Variants in DPF3 observed in about 807,000 individuals in gnomAD.
DPF3 encodes zinc finger protein DPF3.
DPF3 carries 18 observed loss-of-function variants against 56.8 expected under a neutral mutation model. The ratio of observed to expected loss-of-function variants is 0.32; its 90% CI spans 0.22 to 0.47. DPF3 has a LOEUF of 0.47. Ranked by LOEUF, DPF3 falls within the 20% of genes least tolerant of loss-of-function variation. The pLI is 1.00. For missense variants in DPF3, 403 were observed against 488.8 expected (o/e 0.82, Z 1.65); for synonymous variants, 188 against 180.2 (o/e 1.04, Z -0.35).
chr14:72,883,034 T>A (rs1196146745), intron 1 of DPF3, among the ~76,000 whole-genome samples: 1 of 152,178 alleles, frequency 6.6e-6, no homozygotes, highest in Non-Finnish European at 1.5e-5. Flanking sequence ...GGTTGTGGGA[T>A]GAAGGAACTC....
chr14:72,786,311 T>C (rs111724826), intron 1 of DPF3, among the ~76,000 whole-genome samples: 9,390 of 151,610 alleles, frequency 0.062, 888 homozygotes, highest in African/African-American at 0.2. Flanking sequence ...TGAGGTGACG[T>C]CCTCGGGACA....
intron 1 of DPF3, among the ~76,000 whole-genome samples, chr14:72,803,501 A>G (rs1229625063): frequency 6.6e-6 from 1 of 152,252 alleles, no homozygotes. Context: ...GCAATGGGCC[A>G]TGAAAACCTA....
intron 8 of DPF3, among the ~76,000 whole-genome samples, chr14:72,652,754 C>A (rs1312786739): frequency 6.6e-6 from 1 of 152,108 alleles, no homozygotes; most frequent in Non-Finnish European, 1.5e-5. Context: ...ACTGAATGCA[C>A]AATGAACAGT....
At chr14:72,855,023 G>T (rs932856998) in intron 1 of DPF3, among the ~76,000 whole-genome samples, 2 of 152,132 alleles carry the variant, frequency 1.3e-5, no homozygotes, top group East Asian at 1.9e-4. Context: ...GTCCCCGGAT[G>T]ATCAGAGCCC....
intron 1 of DPF3, among the ~76,000 whole-genome samples, chr14:72,772,610 A>T (rs183953009): frequency 6.6e-6 from 1 of 151,334 alleles, no homozygotes; most frequent in Non-Finnish European, 1.5e-5. Context: ...CTGGTTTGCT[A>T]GACTGAGAAT....
intron 1 of DPF3, among the ~76,000 whole-genome samples, chr14:72,860,215 C>T (rs1885342101): frequency 6.6e-6 from 1 of 152,170 alleles, no homozygotes; most frequent in Admixed American, 6.5e-5. Context: ...CAGGGTCTCA[C>T]CCTGTTGCCC....
Position 72,723,695 on chromosome 14 carries a change from C to T in DPF3, c.463G>A (p.Gly155Arg), listed in dbSNP as rs775150189. 8 of 1,587,070 alleles carry T rather than the reference C, an allele frequency of 5.0e-6. No homozygotes were observed. The highest frequency in any genetic ancestry group is 1.4e-5 in the African/African-American group (1 of 72,484). Residue 155 changes from glycine (G) to arginine (R), a missense_variant, in exon 5 of 11, where the codon GGG becomes AGG. Gly to Arg is a moderately radical substitution (Grantham distance 125). Around this residue, in one of 2 missense-constraint regions of DPF3, gnomAD observed 340 missense variants for 374.3 expected, o/e 0.91. Transcript: ENST00000556509. ...VLENDENVEE[G>R]NEEEDLEEDI... is the part of the protein sequence containing the mutation. Reference sequence around the variant, plus strand: ...TCTTCCAAATCCTCTTCTTCATTCCCTTCTTCTACATTTTCATCATTTTCC... The same window carrying T: ...TCTTCCAAATCCTCTTCTTCATTCCTTTCTTCTACATTTTCATCATTTTCC...
chr14:72,749,708 G>A (rs1212932980), intron 3 of DPF3, among the ~76,000 whole-genome samples: 1 of 152,110 alleles, frequency 6.6e-6, no homozygotes, highest in Non-Finnish European at 1.5e-5. Flanking sequence ...CTAGTGAATG[G>A]GTCTCACAAG....
At chr14:72,645,955 C>G (rs1451833521) in intron 8 of DPF3, among the ~76,000 whole-genome samples, 1 of 152,164 alleles carries the variant, frequency 6.6e-6, no homozygotes, top group Non-Finnish European at 1.5e-5. Flanking sequence ...ATGAGCATCC[C>G]CTGGGGGCTG....
intron 1 of DPF3, among the ~76,000 whole-genome samples, chr14:72,840,026 C>T (rs1884481793): frequency 6.6e-6 from 1 of 152,214 alleles, no homozygotes; most frequent in Admixed American, 6.5e-5. Flanking sequence ...CTTGTTTTTC[C>T]TCATCCATAA....
rs974229257 is a variant in DPF3 at position 72,669,915 on chromosome 14, T to C, written c.871+4325A>G. ...AAAACTAAAAAATAGATATGATGGTTTTGCCCACATTGCAAGACAGGTTAG... is the reference window on the plus strand; with the variant it reads ...AAAACTAAAAAATAGATATGATGGTCTTGCCCACATTGCAAGACAGGTTAG... On this transcript the variant is annotated intron_variant, in intron 8 of 10. Coordinates refer to ENST00000556509, the MANE Select transcript of DPF3 (RefSeq NM_001280542.3). 4 of 985,774 alleles carry C rather than the reference T, an allele frequency of 4.1e-6. No individual in the cohort carries two copies. In the East Asian group the frequency reaches 4.5e-4, roughly 112 times the overall value. The allele number at this position is 985,774 out of a possible 1,614,324, so 61.1% of individuals were successfully genotyped here.
intron 7 of DPF3, among the ~76,000 whole-genome samples, chr14:72,674,654 C>G (rs1886833059): frequency 2.0e-5 from 3 of 152,200 alleles, no homozygotes; most frequent in Admixed American, 2.0e-4. Flanking sequence ...ATCAAACCAT[C>G]CAGAAGAGGT....
intron 8 of DPF3, chr14:72,661,467 C>T (rs2153569271): frequency 1.0e-6 from 1 of 985,558 alleles, no homozygotes; most frequent in Admixed American, 6.1e-5. Context: ...ACTCTGCTTA[C>T]AAGGGAGGGA....
chr14:72,887,152 AACACACACACACACAC>A (rs149200705), intron 1 of DPF3, among the ~76,000 whole-genome samples: 50 of 138,134 alleles, frequency 3.6e-4, no homozygotes, highest in South Asian at 1.3e-3. Flanking sequence ...TCTGCCTCCA[AACACACACACACACAC>A]ACACACACAC....
chr14:72,731,090 C>T (rs543065139), intron 4 of DPF3, among the ~76,000 whole-genome samples: 66 of 152,176 alleles, frequency 4.3e-4, no homozygotes, highest in Non-Finnish European at 7.1e-4. Context: ...CACTTGAACC[C>T]GGGAGGCAGA....
intron 5 of DPF3, among the ~76,000 whole-genome samples, chr14:72,718,004 C>G (rs1870411056): frequency 6.6e-6 from 1 of 152,172 alleles, no homozygotes; most frequent in Admixed American, 6.5e-5. Flanking sequence ...CCAATCAGAT[C>G]CTACCTCCAA....
intron 7 of DPF3, among the ~76,000 whole-genome samples, chr14:72,680,595 C>T (rs1340046016): frequency 2.0e-5 from 3 of 152,248 alleles, no homozygotes; most frequent in African/African-American, 4.8e-5. Context: ...TACGCTGGAG[C>T]GGATGCGGAA....
chr14:72,749,840 CCT>C (rs1567220609), intron 3 of DPF3, among the ~76,000 whole-genome samples: 2 of 143,848 alleles, frequency 1.4e-5, no homozygotes, highest in African/African-American at 2.6e-5. Flanking sequence ...AGAGTGAGAC[CCT>C]GTTTAAAAAA....
chr14:72,886,537 C>T (rs1886553873), intron 1 of DPF3, among the ~76,000 whole-genome samples: 1 of 152,120 alleles, frequency 6.6e-6, no homozygotes, highest in Non-Finnish European at 1.5e-5. Context: ...CTGAAATGCA[C>T]ACTTTAAAAT....
Sources: gnomAD v4.1 joint callset for allele counts (sites outside exome capture counted in the v4.1 genomes callset) on GRCh38, gnomAD v4.1.1 for gene constraint, gnomAD v4.1.1 regional missense constraint, MANE v1.5 for transcripts, NCBI Gene and HGNC (gene_info 2026-07-23, HGNC 2026-07-21) for gene names.